PTPN21: variants seen among roughly 807,000 people sequenced by gnomAD.
The protein encoded by PTPN21 is tyrosine-protein phosphatase non-receptor type 21.
PTPN21 carries 77 observed loss-of-function variants against 131.8 expected under a neutral mutation model. The observed-to-expected ratio is 0.58, with a 90% CI of 0.49 to 0.71. The LOEUF (loss-of-function observed/expected upper bound fraction) is 0.71, where lower values mean the gene tolerates loss of function less well. Among genes scored for constraint, PTPN21 ranks in the 30% least tolerant of loss-of-function variants. The probability of loss-of-function intolerance (pLI) is 0.00; values close to 1 mark genes in which losing one functional copy is unlikely to be tolerated. For missense variants in PTPN21, 1,552 were observed against 1,527.1 expected, an observed-to-expected ratio of 1.02 and a Z score of -0.27; for synonymous variants, 715 against 621.3, an observed-to-expected ratio of 1.15 and a Z score of -2.24.
chr14:88,475,611 G>A (rs1029840063), intron 13 of PTPN21, among the ~76,000 whole-genome samples: 13 of 152,194 alleles, frequency 8.5e-5, no homozygotes, highest in African/African-American at 3.1e-4. Context: ...GCAGAAAACA[G>A]TGATGTGCTG....
chr14:88,514,019 A>G (rs555137308), intron 3 of PTPN21: 2 of 152,208 alleles, frequency 1.3e-5, no homozygotes, highest in African/African-American at 2.4e-5. Context: ...GAGAGCTTCA[A>G]GTCATTTTCC....
intron 15 of PTPN21, among the ~76,000 whole-genome samples, chr14:88,471,689 C>A (rs1260319584): frequency 2.0e-5 from 3 of 152,126 alleles, no homozygotes; most frequent in African/African-American, 7.2e-5. Context: ...TGAACACCAT[C>A]AAAAAGCCCA....
intron 1 of PTPN21, 61 bp from the exon 2 acceptor site, chr14:88,550,680 G>C: frequency 3.0e-6 from 1 of 335,084 alleles, no homozygotes; most frequent in Non-Finnish European, 5.5e-6. Context: ...CTTGTATAAA[G>C]AAAAGCCAGT....
intron 8 of PTPN21, among the ~76,000 whole-genome samples, chr14:88,498,065 C>T (rs986783622): frequency 6.7e-6 from 1 of 149,640 alleles, no homozygotes; most frequent in Non-Finnish European, 1.5e-5. Flanking sequence ...AGCACCATTG[C>T]ACTCCAGCGT....
intron 2 of PTPN21, among the ~76,000 whole-genome samples, chr14:88,544,245 TGAG>T (rs1440879765): frequency 6.6e-6 from 1 of 152,008 alleles, no homozygotes; most frequent in Non-Finnish European, 1.5e-5. Context: ...CTTGGGAGGC[TGAG>T]GTGAGAGAAT....
intron 14 of PTPN21, among the ~76,000 whole-genome samples, chr14:88,473,319 A>G (rs562710355): frequency 6.6e-6 from 1 of 152,302 alleles, no homozygotes; most frequent in African/African-American, 2.4e-5. Context: ...TTTCAGTATA[A>G]TAAAAGTCAA....
chr14:88,472,411 T>C lies in PTPN21; in HGVS notation c.2704A>G (p.Arg902Gly). The change falls in exon 15 of 19, where the codon AGA becomes GGA. Residue 902 changes from arginine (R) to glycine (G), a missense_variant. Arg to Gly is a moderately radical substitution (Grantham distance 125). Transcript: ENST00000556564. The part of the protein sequence containing the change: ...EQGMVFTEYE[R>G]ILKKRLVDGE... ...TCAACTAGCCGTTTCTTAAGAATTCTTTCATATTCTGTGAATACCATTCCT... is the reference window on the plus strand; with the variant it reads ...TCAACTAGCCGTTTCTTAAGAATTCCTTCATATTCTGTGAATACCATTCCT... 1 of 1,614,142 alleles carries C rather than the reference T, an allele frequency of 6.2e-7. No individual in the cohort carries two copies. The highest frequency in any genetic ancestry group is 1.1e-5 in the South Asian group (1 of 91,084).
chr14:88,510,956 A>G (rs1291628339), intron 3 of PTPN21, among the ~76,000 whole-genome samples: 1 of 150,436 alleles, frequency 6.6e-6, no homozygotes, highest in Non-Finnish European at 1.5e-5. Context: ...TCTATAGCCC[A>G]GGCTGGAGTG....
chr14:88,504,942 A>C (rs180852063), intron 5 of PTPN21, among the ~76,000 whole-genome samples: 2 of 152,362 alleles, frequency 1.3e-5, no homozygotes, highest in East Asian at 3.9e-4. Context: ...TAAATTGCTG[A>C]TGAGAAGCGA....
Position 88,480,356 on chromosome 14 carries a change from G to A in PTPN21, c.1079-4C>T, listed in dbSNP as rs1566815279. 2 of 1,589,806 alleles carry A rather than the reference G, an allele frequency of 1.3e-6. No individual in the cohort carries two copies. Among genetic ancestry groups the A allele is most frequent in the Admixed American group, 1.7e-5 (1 of 57,658 alleles). On this transcript the variant is annotated splice_region_variant and splice_polypyrimidine_tract_variant and intron_variant, in intron 12 of 18. Transcript: ENST00000556564. ...TGGTTGGGCACAAAGAGGTTATCTAGAAAAAATGAGTTCAAAATGAGATTT... is the reference window on the plus strand; with the variant it reads ...TGGTTGGGCACAAAGAGGTTATCTAAAAAAAATGAGTTCAAAATGAGATTT...
At chr14:88,520,104 C>A (rs562857114) in intron 2 of PTPN21, among the ~76,000 whole-genome samples, 1 of 152,190 alleles carries the variant, frequency 6.6e-6, no homozygotes, top group South Asian at 2.1e-4. Context: ...CAAAGTTATG[C>A]AAGAGAAAGT....
intron 2 of PTPN21, among the ~76,000 whole-genome samples, chr14:88,529,839 G>A (rs10129521): frequency 0.093 from 14,098 of 151,902 alleles, 1,153 homozygotes; most frequent in African/African-American, 0.22. Context: ...AAAATCAGCC[G>A]GGCATGGTGG....
intron 2 of PTPN21, among the ~76,000 whole-genome samples, chr14:88,550,009 C>T (rs1036331994): frequency 1.3e-4 from 20 of 152,286 alleles, no homozygotes; most frequent in African/African-American, 4.6e-4. Flanking sequence ...TGGTCTCGAA[C>T]TCCTGACCTT....
chr14:88,486,986 A>AG (rs1401511139), intron 10 of PTPN21, among the ~76,000 whole-genome samples: 3 of 151,892 alleles, frequency 2.0e-5, no homozygotes, highest in African/African-American at 7.3e-5. Flanking sequence ...TCAAAAAAAA[A>AG]AAAAAAAAAA....
In PTPN21 at chr14:88,501,347, A is replaced by G; in HGVS notation, c.609T>C (p.Ala203=). Residue 203 remains alanine, a synonymous_variant, in exon 7 of 19, where the codon GCT becomes GCC. Transcript: ENST00000556564. ...CTACCTCCTGCATGTACAGCATTTCAGCATCAGGAGCTGTGAGCCCTCTGC... is the reference window on the plus strand; with the variant it reads ...CTACCTCCTGCATGTACAGCATTTCGGCATCAGGAGCTGTGAGCCCTCTGC... ...QKYRGLTAPD[A]EMLYMQEVER... The G allele has an allele frequency of 6.2e-7, 1 of 1,614,094 alleles. No homozygotes were observed. Among genetic ancestry groups the G allele is most frequent in the East Asian group, 2.2e-5 (1 of 44,874 alleles).
intron 2 of PTPN21, among the ~76,000 whole-genome samples, chr14:88,527,567 A>G (rs1185541386): frequency 6.6e-6 from 1 of 152,198 alleles, no homozygotes; most frequent in African/African-American, 2.4e-5. Flanking sequence ...GTCCTTTGTC[A>G]GATGCACAGT....
chr14:88,491,884 C>T (rs1420175253), intron 10 of PTPN21, among the ~76,000 whole-genome samples: 2 of 152,112 alleles, frequency 1.3e-5, no homozygotes, highest in Admixed American at 6.5e-5. Flanking sequence ...CAACTGATGA[C>T]ATTAATGTAG....
chr14:88,483,203 C>G (rs1324826691), intron 12 of PTPN21, among the ~76,000 whole-genome samples: 1 of 131,648 alleles, frequency 7.6e-6, no homozygotes, highest in Non-Finnish European at 1.6e-5. Context: ...CAGAGTGAGA[C>G]TCCGTCTCCA....
intron 2 of PTPN21, 86 bp from the exon 3 acceptor site, chr14:88,517,347 C>A (rs2078289072): frequency 1.4e-6 from 2 of 1,417,682 alleles, no homozygotes; most frequent in Non-Finnish European, 2.0e-6. Context: ...TGACCTGTGA[C>A]CAAATGACAG....
Sources: gnomAD v4.1 joint callset for allele counts (sites outside exome capture counted in the v4.1 genomes callset) on GRCh38, gnomAD v4.1.1 for gene constraint, MANE v1.5 for transcripts, NCBI Gene and HGNC (gene_info 2026-07-23, HGNC 2026-07-21) for gene names.